EML6: variants seen among roughly 807,000 people sequenced by gnomAD.
EML6 encodes the protein echinoderm microtubule-associated protein-like 6.
Under a neutral mutation model 240.1 loss-of-function variants are expected in EML6, and 154 were observed. The ratio of observed to expected loss-of-function variants is 0.64; its 90% CI spans 0.56 to 0.73. EML6 has a LOEUF of 0.73. Among genes scored for constraint, EML6 ranks in the 30% least tolerant of loss-of-function variants. The probability of loss-of-function intolerance (pLI) is 0.00; values close to 1 mark genes in which losing one functional copy is unlikely to be tolerated. For missense variants in EML6, 2,964 were observed against 2,474.6 expected (o/e 1.20, Z -4.20); for synonymous variants, 1,148 against 899.0 (o/e 1.28, Z -4.95).
rs539257739 is a variant in EML6, at chr2:54,768,271, G to A, written c.197+43013G>A. Among the ~76,000 whole-genome samples, 52 of 152,082 alleles carry A rather than the reference G, an allele frequency of 3.4e-4. 1 individual carries two copies. The East Asian group carries it at 7.3e-3, about 21-fold the overall frequency. ...CATTCCTTTATGTACTTACTTTTTA[G>A]TTAAAAGGATTCAGCAACTGTCAGA... On this transcript the variant is annotated intron_variant, in intron 2 of 41. Coordinates refer to ENST00000356458, the MANE Select transcript of EML6 (RefSeq NM_001039753.4).
intron 28 of EML6, among the ~76,000 whole-genome samples, chr2:54,929,446 TAA>T (rs1276329249): frequency 6.6e-6 from 1 of 152,254 alleles, no homozygotes; most frequent in African/African-American, 2.4e-5. Context: ...ATATTCATGC[TAA>T]GAGTGGATAT....
At chr2:54,924,077 C>G (rs927095706) in intron 26 of EML6, among the ~76,000 whole-genome samples, 6 of 152,142 alleles carry the variant, frequency 3.9e-5, no homozygotes, top group Non-Finnish European at 7.4e-5. Context: ...CTGCTATGAA[C>G]ATTTTTAGAC....
chr2:54,851,852 C>T (rs1449151408), intron 10 of EML6, among the ~76,000 whole-genome samples: 1 of 152,224 alleles, frequency 6.6e-6, no homozygotes, highest in Non-Finnish European at 1.5e-5. Context: ...TGAAAATGAA[C>T]TGGAGGTATC....
intron 26 of EML6, among the ~76,000 whole-genome samples, chr2:54,925,758 A>T (rs1348419934): frequency 6.6e-6 from 1 of 152,192 alleles, no homozygotes; most frequent in Admixed American, 6.5e-5. Flanking sequence ...TAAACCATGG[A>T]CCAGAAAACC....
At chr2:54,946,439 A>C (rs1573196715) in intron 28 of EML6, among the ~76,000 whole-genome samples, 1 of 151,530 alleles carries the variant, frequency 6.6e-6, no homozygotes, top group African/African-American at 2.4e-5. Flanking sequence ...TCATGCCTCC[A>C]CTCCTTCCCA....
intron 2 of EML6, among the ~76,000 whole-genome samples, chr2:54,812,255 CA>C (rs1365588259): frequency 2.0e-5 from 3 of 151,738 alleles, no homozygotes; most frequent in African/African-American, 7.3e-5. Context: ...ATACTAAGGG[CA>C]GCCAACATGC....
At chr2:54,945,060 C>G (rs1309680185) in intron 28 of EML6, among the ~76,000 whole-genome samples, 2 of 124,038 alleles carry the variant, frequency 1.6e-5, no homozygotes, top group Non-Finnish European at 3.4e-5. Context: ...TCCTCCCTCT[C>G]TGCCTCCCCC....
At chr2:54,948,531 C>G (rs560972210) in intron 28 of EML6, among the ~76,000 whole-genome samples, 1 of 152,356 alleles carries the variant, frequency 6.6e-6, no homozygotes, top group Non-Finnish European at 1.5e-5. Flanking sequence ...CCTCCCGCCC[C>G]TCATGGTCAG....
chr2:54,940,442 T>G lies in EML6; in HGVS notation c.4005-8440T>G, dbSNP rs79308512. On this transcript the variant is annotated intron_variant, in intron 28 of 41. Transcript: ENST00000356458. ...AATCCTTGATTCCTTAATTTATTAG[T>G]CTGTGGCGTCAATATAAAATTTCAC... Among the ~76,000 whole-genome samples the G allele has an allele frequency of 8.1e-3, 1,228 of 152,320 alleles. 19 individuals carry two copies. Among genetic ancestry groups the G allele is most frequent in the African/African-American group, 0.028 (1,183 of 41,582 alleles).
chr2:54,761,187 C>T (rs1040970592), intron 2 of EML6, among the ~76,000 whole-genome samples: 1 of 152,026 alleles, frequency 6.6e-6, no homozygotes, highest in Non-Finnish European at 1.5e-5. Context: ...TGATTTTAAA[C>T]AGACTACCAA....
At chr2:54,902,666 T>TG (rs1487840800) in intron 22 of EML6, among the ~76,000 whole-genome samples, 1 of 152,234 alleles carries the variant, frequency 6.6e-6, no homozygotes, top group East Asian at 1.9e-4. Context: ...CCCAAGGTGC[T>TG]GGGATTACAG....
chr2:54,866,756 G>A lies in EML6; in HGVS notation c.1933-10G>A. On this transcript the variant is annotated splice_polypyrimidine_tract_variant and intron_variant, in intron 13 of 41. Transcript: ENST00000356458. The stretch of plus-strand genomic sequence containing the variant: ...GGCATCTCACCCAGATGTTTCTGTT[G>A]TACTTTAAGGTTTACAAAGAAGATC... 1 of 1,512,202 alleles carries A rather than the reference G, an allele frequency of 6.6e-7. No homozygotes were observed. Among genetic ancestry groups the A allele is most frequent in the Non-Finnish European group, 9.0e-7 (1 of 1,112,726 alleles). 93.7% of individuals were successfully genotyped at this position (1,512,202 alleles called of 1,614,324 possible). A position where few individuals can be genotyped will look rare whatever the true frequency, so the allele number is the denominator to read the frequency against.
chr2:54,789,498 A>AATG (rs2103894061), intron 2 of EML6, among the ~76,000 whole-genome samples: 1 of 117,244 alleles, frequency 8.5e-6, no homozygotes, highest in African/African-American at 3.2e-5. Flanking sequence ...TGGGCCACAG[A>AATG]GCGAGACTTC....
intron 30 of EML6, among the ~76,000 whole-genome samples, chr2:54,951,702 GAAA>G (rs11355745): frequency 8.2e-5 from 12 of 147,168 alleles, no homozygotes; most frequent in Admixed American, 2.0e-4. Context: ...CATGCCTCAA[GAAA>G]AAAAAAAAAA....
chr2:54,869,476 G>A, intron 15 of EML6, 109 bp downstream of exon 15: 1 of 834,074 alleles, frequency 1.2e-6, no homozygotes, highest in South Asian at 1.8e-5. Flanking sequence ...AACATGAGAT[G>A]GGAAGGTGAA....
At chr2:54,942,595 T>C (rs1176928238) in intron 28 of EML6, among the ~76,000 whole-genome samples, 3 of 152,274 alleles carry the variant, frequency 2.0e-5, no homozygotes, top group African/African-American at 7.2e-5. Context: ...GCGTGCTCTT[T>C]ACCCGACTCC....
chr2:54,926,874 T>C (rs555988944), intron 26 of EML6, among the ~76,000 whole-genome samples: 19 of 152,334 alleles, frequency 1.2e-4, no homozygotes, highest in African/African-American at 4.1e-4. Context: ...GCATTTTTTC[T>C]TGCCATCTAG....
chr2:54,955,428 A>G (rs539819074), intron 32 of EML6, among the ~76,000 whole-genome samples: 49 of 152,268 alleles, frequency 3.2e-4, no homozygotes, highest in African/African-American at 1.1e-3. Context: ...ACTTTCAAGG[A>G]TGTGGCTCTC....
chr2:54,857,321 A>C (rs899343622), intron 11 of EML6, among the ~76,000 whole-genome samples: 1 of 152,142 alleles, frequency 6.6e-6, no homozygotes, highest in Non-Finnish European at 1.5e-5. Context: ...TAGAGAAGAC[A>C]TGAGGGCTGA....
Sources: allele counts gnomAD v4.1 joint callset (sites outside exome capture counted in the v4.1 genomes callset), GRCh38; gene constraint gnomAD v4.1.1; transcripts MANE v1.5; gene names NCBI Gene and HGNC (gene_info 2026-07-23, HGNC 2026-07-21).